Variants in GNG4 observed in about 807,000 individuals in gnomAD.
GNG4 encodes the protein G protein subunit gamma 4.
GNG4 carries 4 observed loss-of-function variants against 5.8 expected under a neutral mutation model. The ratio of observed to expected loss-of-function variants is 0.69; its 90% CI spans 0.34 to 1.57. The LOEUF (loss-of-function observed/expected upper bound fraction) is 1.57. Ranked by LOEUF, GNG4 falls within the 40% of genes most tolerant of loss-of-function variation. The pLI is 0.06. For missense variants in GNG4, 96 were observed against 95.1 expected (o/e 1.01, Z -0.04); for synonymous variants, 29 against 32.9 (o/e 0.88, Z 0.41).
chr1:235,597,181 C>T (rs910503800), intron 1 of GNG4, among the ~76,000 whole-genome samples: 9 of 152,330 alleles, frequency 5.9e-5, no homozygotes, highest in East Asian at 5.8e-4. Flanking sequence ...AAGGGTTTTC[C>T]GAATGCTCTG....
intron 2 of GNG4, 113 bp from the exon 3 acceptor site, chr1:235,583,961 T>C: frequency 5.2e-6 from 3 of 573,640 alleles, no homozygotes; most frequent in South Asian, 2.7e-5. Flanking sequence ...TCTGGGAGCA[T>C]GGACAGCATT....
chr1:235,598,257 A>G (rs529994611), intron 1 of GNG4, among the ~76,000 whole-genome samples: 1 of 152,316 alleles, frequency 6.6e-6, no homozygotes, highest in Admixed American at 6.5e-5. Flanking sequence ...ACTGCTCTAT[A>G]GGCAACCAGA....
intron 3 of GNG4, among the ~76,000 whole-genome samples, chr1:235,575,051 C>T (rs1687443321): frequency 6.6e-6 from 1 of 152,174 alleles, no homozygotes; most frequent in African/African-American, 2.4e-5. Flanking sequence ...TCTCGAACTC[C>T]TGACCTCGAA....
At chr1:235,588,055 T>C (rs921795539) in intron 2 of GNG4, among the ~76,000 whole-genome samples, 2 of 151,832 alleles carry the variant, frequency 1.3e-5, no homozygotes, top group Non-Finnish European at 2.9e-5. Context: ...CCCACCTCTC[T>C]CCCTCCCAGG....
At chr1:235,613,635 G>T (rs948862788) in intron 1 of GNG4, among the ~76,000 whole-genome samples, 1 of 152,202 alleles carries the variant, frequency 6.6e-6, no homozygotes, top group African/African-American at 2.4e-5. Context: ...GAAAAGGCAA[G>T]AAGGATTTTC....
At chr1:235,629,164 C>T (rs762013020) in intron 1 of GNG4, among the ~76,000 whole-genome samples, 4 of 151,576 alleles carry the variant, frequency 2.6e-5, no homozygotes, top group East Asian at 3.9e-4. Context: ...ACCCTAGGCA[C>T]GTGCCACCAT....
chr1:235,594,548 G>A (rs921055600), intron 2 of GNG4, among the ~76,000 whole-genome samples: 2 of 152,180 alleles, frequency 1.3e-5, no homozygotes, highest in Non-Finnish European at 2.9e-5. Context: ...CTCAGGCATG[G>A]TGGGCTGCAG....
intron 1 of GNG4, among the ~76,000 whole-genome samples, chr1:235,638,517 T>C (rs1657203402): frequency 6.6e-6 from 1 of 151,708 alleles, no homozygotes; most frequent in Admixed American, 6.6e-5. Flanking sequence ...CTTTAAGTTC[T>C]GGGATACATG....
rs1657368531 is a variant in GNG4 at position 235,642,715 on chromosome 1, C to T, written c.-123+6947G>A. 6.6e-6 allele frequency among the ~76,000 whole-genome samples: 1 copy of T among 152,046 alleles called. No individual in the cohort carries two copies. The highest frequency in any genetic ancestry group is 1.5e-5 in the Non-Finnish European group (1 of 68,006). On this transcript the variant is annotated intron_variant, in intron 1 of 3. Transcript: ENST00000391854. This position sits in a 1 kb window ranked among gnomAD's most constrained non-coding sequence, Gnocchi z 4.3. ...TCCTACAGAAGGATATTTGTTTTGT[C>T]CTAAACTTGCCGTGTGTTCTTGGAG...
chr1:235,562,820 A>C (rs1446575427), intron 3 of GNG4, among the ~76,000 whole-genome samples: 1 of 151,748 alleles, frequency 6.6e-6, no homozygotes, highest in Non-Finnish European at 1.5e-5. Context: ...TAGATGTTTG[A>C]TTTTTTCCTC....
chr1:235,596,227 C>A (rs1237054698), intron 1 of GNG4, among the ~76,000 whole-genome samples: 11 of 149,182 alleles, frequency 7.4e-5, no homozygotes, highest in African/African-American at 2.5e-4. Flanking sequence ...CACACACACA[C>A]ACACACACAC....
chr1:235,574,029 CAAAAG>C (rs1301899500), intron 3 of GNG4, among the ~76,000 whole-genome samples: 1 of 152,166 alleles, frequency 6.6e-6, no homozygotes, highest in Admixed American at 6.5e-5. Context: ...GGAAAAACAT[CAAAAG>C]GTAGTGGTTA....
chr1:235,614,543 C>T (rs1385633770), intron 1 of GNG4: 1 of 152,160 alleles, frequency 6.6e-6, no homozygotes, highest in Non-Finnish European at 1.5e-5. Context: ...ACACAGGGAT[C>T]AGGGTTCAGG....
In GNG4 at chr1:235,649,432, G is replaced by C. The variant is rs1401923790; in HGVS notation, c.-123+230C>G. Among the ~76,000 whole-genome samples the C allele has an allele frequency of 2.0e-5, 3 of 152,016 alleles. No homozygotes were observed. The highest frequency in any genetic ancestry group is 4.8e-5 in the African/African-American group (2 of 41,388). ...CGCTCCGAGGGGGCTGTCCACACCC[G>C]CGCGCGGGCTTCCCCGGGGCCCGGC... On this transcript the variant is annotated intron_variant, in intron 1 of 3. Transcript: ENST00000391854. This position sits in a 1 kb window ranked among gnomAD's most constrained non-coding sequence, Gnocchi z 5.7.
At chr1:235,578,711 T>A (rs1687544814) in intron 3 of GNG4, among the ~76,000 whole-genome samples, 1 of 151,784 alleles carries the variant, frequency 6.6e-6, no homozygotes, top group South Asian at 2.1e-4. Flanking sequence ...ATATGTGGAG[T>A]GTAAAAAAGT....
intron 3 of GNG4, among the ~76,000 whole-genome samples, chr1:235,552,778 T>C (rs572193377): frequency 9.8e-5 from 15 of 152,350 alleles, no homozygotes; most frequent in Admixed American, 7.2e-4. Flanking sequence ...ATTTCTTTTT[T>C]TGAGGCAGAG....
intron 2 of GNG4, among the ~76,000 whole-genome samples, chr1:235,587,820 G>C (rs751588636): frequency 2.1e-5 from 3 of 145,824 alleles, no homozygotes; most frequent in Non-Finnish European, 4.6e-5. Context: ...ATACAGGCAC[G>C]TCTCAGAGCA....
At position 235,551,921 on chromosome 1, in the gene GNG4, GA is replaced by G. The variant is rs562258271; in HGVS notation, c.*187del. 443 of 515,968 alleles carry G rather than the reference GA, an allele frequency of 8.6e-4. 2 individuals are homozygous for G. Among genetic ancestry groups the G allele is most frequent in the African/African-American group, 7.7e-3 (403 of 52,638 alleles). 32.0% of individuals were successfully genotyped at this position (515,968 alleles called of 1,614,324 possible). On this transcript the variant is annotated 3_prime_UTR_variant, in exon 4 of 4. Transcript: ENST00000391854. ...TCTTTGCCAATAATGAAAATAACAT[GA>G]AAATGAAAAGGAAAAAAATGAAATT...
At chr1:235,619,496 G>A (rs1000269434) in intron 1 of GNG4, among the ~76,000 whole-genome samples, 23 of 152,126 alleles carry the variant, frequency 1.5e-4, no homozygotes, top group African/African-American at 5.6e-4. Flanking sequence ...GAAACTGCTG[G>A]TGATATTACA....
Sources: allele counts gnomAD v4.1 joint callset (sites outside exome capture counted in the v4.1 genomes callset), GRCh38; gene constraint gnomAD v4.1.1; non-coding constraint Gnocchi (gnomAD v3.1); transcripts MANE v1.5; gene names NCBI Gene and HGNC (gene_info 2026-07-23, HGNC 2026-07-21).